The following DLGAP2 variants were observed in gnomAD, a reference collection of about 807,000 sequenced individuals.
The protein encoded by DLGAP2 is disks large-associated protein 2.
DLGAP2 carries 26 observed loss-of-function variants against 100.3 expected under a neutral mutation model. The ratio of observed to expected loss-of-function variants is 0.26; its 90% CI spans 0.19 to 0.36. The LOEUF is 0.36. Ranked by LOEUF, DLGAP2 falls within the 10% of genes least tolerant of loss-of-function variation. The pLI is 1.00. For missense variants in DLGAP2, 1,858 were observed against 1,453.2 expected (o/e 1.28, Z -4.53); for synonymous variants, 886 against 630.1 (o/e 1.41, Z -6.08).
intron 2 of DLGAP2, among the ~76,000 whole-genome samples, chr8:1,010,354 C>T (rs902161802): frequency 1.8e-4 from 28 of 152,138 alleles, no homozygotes; most frequent in African/African-American, 6.3e-4. Flanking sequence ...CACACATGCA[C>T]ACACGCACTC....
At chr8:1,263,130 G>A (rs1346746860) in intron 3 of DLGAP2, among the ~76,000 whole-genome samples, 2 of 152,170 alleles carry the variant, frequency 1.3e-5, no homozygotes. Flanking sequence ...CTACAAAAAT[G>A]TTGGGATACG....
intron 4 of DLGAP2, among the ~76,000 whole-genome samples, chr8:1,538,387 C>G (rs1801226622): frequency 1.3e-5 from 2 of 152,190 alleles, no homozygotes; most frequent in East Asian, 1.9e-4. Flanking sequence ...AACATGTTCT[C>G]TCCACAAACA....
At chr8:831,704 G>C (rs189023610) in intron 1 of DLGAP2, among the ~76,000 whole-genome samples, 26 of 152,260 alleles carry the variant, frequency 1.7e-4, no homozygotes, top group African/African-American at 5.5e-4. Flanking sequence ...ATAGTAGTAT[G>C]ATTTATAATC....
chr8:1,282,528 A>AGC (rs2116951487), intron 3 of DLGAP2, among the ~76,000 whole-genome samples: 13 of 130,170 alleles, frequency 1.0e-4, no homozygotes, highest in African/African-American at 2.3e-4. Flanking sequence ...ACCTGAACCC[A>AGC]GCACCCTGAA....
chr8:1,209,700 A>C (rs1730816338), intron 2 of DLGAP2, among the ~76,000 whole-genome samples: 1 of 152,202 alleles, frequency 6.6e-6, no homozygotes, highest in Admixed American at 6.5e-5. Flanking sequence ...GTTATTAATG[A>C]GTAATTTTTA....
chr8:1,325,057 G>A (rs1404465204), intron 3 of DLGAP2, among the ~76,000 whole-genome samples: 3 of 152,136 alleles, frequency 2.0e-5, no homozygotes, highest in Admixed American at 1.3e-4. Context: ...CTGAACCGAT[G>A]GATGCTCTGC....
intron 2 of DLGAP2, among the ~76,000 whole-genome samples, chr8:1,063,231 G>C (rs1402956786): frequency 6.6e-6 from 1 of 152,238 alleles, no homozygotes; most frequent in Non-Finnish European, 1.5e-5. Context: ...CAAAAGCAGA[G>C]ATTCCAAGAT....
At chr8:1,270,969 G>T (rs768396481) in intron 3 of DLGAP2, among the ~76,000 whole-genome samples, 1 of 152,096 alleles carries the variant, frequency 6.6e-6, no homozygotes, top group Non-Finnish European at 1.5e-5. Context: ...TGTTAGACGT[G>T]TTGCAAAAAG....
chr8:1,502,668 A>G (rs1799764342), intron 4 of DLGAP2, among the ~76,000 whole-genome samples: 1 of 152,016 alleles, frequency 6.6e-6, no homozygotes, highest in Non-Finnish European at 1.5e-5. Context: ...GTCTGGCAAT[A>G]CTCCATCGCG....
Position 1,549,674 on chromosome 8 carries a change from C to G in DLGAP2, c.1221C>G (p.His407Gln), listed in dbSNP as rs1465363899. ...QDAKPALRPC[H>Q]YLQVPQDEWG... ...CCAAGCCCGCCCTGAGGCCGTGCCA[C>G]TACCTCCAGGTAAGCAGGCTCACGG... The change falls in exon 5 of 15, where the codon CAC (histidine) becomes CAG (glutamine). Residue 407 changes from histidine (H) to glutamine (Q), a missense_variant. Transcript: ENST00000637795. 6.5e-7 allele frequency: 1 copy of G among 1,549,408 alleles called. No homozygotes were observed. The highest frequency in any genetic ancestry group is 8.7e-7 in the Non-Finnish European group (1 of 1,146,152).
intron 1 of DLGAP2, among the ~76,000 whole-genome samples, chr8:833,754 T>A (rs1431496415): frequency 1.3e-5 from 2 of 152,206 alleles, no homozygotes; most frequent in Non-Finnish European, 2.9e-5. Flanking sequence ...GTTTTTTATT[T>A]AAATGTATGC....
intron 3 of DLGAP2, among the ~76,000 whole-genome samples, chr8:1,264,626 C>T (rs933107877): frequency 1.3e-5 from 2 of 152,068 alleles, no homozygotes; most frequent in Non-Finnish European, 2.9e-5. Context: ...GAATCAAAAT[C>T]ACAAACTATG....
intron 6 of DLGAP2, among the ~76,000 whole-genome samples, chr8:1,581,295 C>G (rs1803243107): frequency 6.7e-6 from 1 of 150,072 alleles, no homozygotes; most frequent in Admixed American, 6.6e-5. Flanking sequence ...GACAAAACCC[C>G]ACACACATCG....
rs555862365 is a variant in DLGAP2, at chr8:1,046,239, G to A, written c.73+138273G>A. On this transcript the variant is annotated intron_variant, in intron 2 of 14. Transcript: ENST00000637795. ...TTTTGTTCTGCCTTGAATGCAATCT[G>A]TAATTTGGCATAATGAAATCCATGC... Among the ~76,000 whole-genome samples the A allele has an allele frequency of 1.1e-3, 170 of 152,288 alleles. 3 individuals are homozygous for A. Among genetic ancestry groups the A allele is most frequent in the South Asian group, 3.3e-3 (16 of 4,830 alleles).
chr8:917,247 C>T (rs1300822658), intron 2 of DLGAP2, among the ~76,000 whole-genome samples: 1 of 143,324 alleles, frequency 7.0e-6, no homozygotes, highest in African/African-American at 2.5e-5. Flanking sequence ...TCCTTCCTTC[C>T]TTCCTTTCTT....
Position 1,668,593 on chromosome 8 carries a change from G to A in DLGAP2, c.2075G>A (p.Ser692Asn). The A allele has an allele frequency of 6.3e-7, 1 of 1,598,672 alleles. No individual in the cohort carries two copies. The highest frequency in any genetic ancestry group is 8.5e-7 in the Non-Finnish European group (1 of 1,173,452). Residue 692 changes from serine (S) to asparagine (N), a missense_variant, in exon 9 of 15, where the codon AGC (serine) becomes AAC (asparagine). By Grantham distance (46) the Ser-to-Asn change is conservative. Transcript: ENST00000637795. The stretch of plus-strand genomic sequence containing the variant: ...CGCCACCTGCCAGAGAGCCAGAGCA[G>A]CTCTGTGCGGACCAGCGACAAGGCC... ...AQRHLPESQS[S>N]SVRTSDKAIL...
chr8:975,734 C>T (rs1399543662), intron 2 of DLGAP2, among the ~76,000 whole-genome samples: 1 of 152,174 alleles, frequency 6.6e-6, no homozygotes, highest in Non-Finnish European at 1.5e-5. Context: ...ACTTCCTCAA[C>T]TTGATAAGGA....
chr8:1,613,749 A>C (rs1304639600), intron 6 of DLGAP2, among the ~76,000 whole-genome samples: 2 of 152,154 alleles, frequency 1.3e-5, no homozygotes, highest in African/African-American at 4.8e-5. Context: ...CCTGTTCTGT[A>C]CTGCTTCGGA....
intron 3 of DLGAP2, among the ~76,000 whole-genome samples, chr8:1,358,907 C>T (rs769571003): frequency 6.6e-6 from 1 of 150,754 alleles, no homozygotes; most frequent in Non-Finnish European, 1.5e-5. Flanking sequence ...CGGGAATTCT[C>T]GGTGCAGAGG....
Sources: gnomAD v4.1 joint callset for allele counts (sites outside exome capture counted in the v4.1 genomes callset) on GRCh38, gnomAD v4.1.1 for gene constraint, MANE v1.5 for transcripts, NCBI Gene and HGNC (gene_info 2026-07-23, HGNC 2026-07-21) for gene names.